RANBP2: variants seen among roughly 807,000 people sequenced by gnomAD.
The protein encoded by RANBP2 is RAN binding protein 2, also known as E3 SUMO-protein ligase RanBP2.
Under a neutral mutation model 303.6 loss-of-function variants are expected in RANBP2, and 57 were observed. That is an observed-to-expected ratio of 0.19 (90% CI 0.15 to 0.23). RANBP2 has a LOEUF of 0.23. Ranked by LOEUF, RANBP2 falls within the 10% of genes least tolerant of loss-of-function variation. The pLI is 1.00. For synonymous variants in RANBP2, 1,167 were observed against 1,301.5 expected (o/e 0.90, Z 2.23); for missense variants, 3,138 against 3,780.8 (o/e 0.83, Z 4.46).
At chr2:108,897,426 G>A in the RANBP2 span, among the ~76,000 whole-genome samples, 2 of 151,996 alleles carry the variant, frequency 1.3e-5, no homozygotes, top group Non-Finnish European at 2.9e-5. Context: ...ACAAGAGAGG[G>A]CTGTGCATGT....
chr2:109,362,529 T>C, the RANBP2 span, among the ~76,000 whole-genome samples: 1 of 152,196 alleles, frequency 6.6e-6, no homozygotes, highest in African/African-American at 2.4e-5. Context: ...GAAAAGAATG[T>C]GTAATCTGCT....
chr2:108,887,733 C>T, the RANBP2 span, among the ~76,000 whole-genome samples: 1 of 152,086 alleles, frequency 6.6e-6, no homozygotes, highest in Non-Finnish European at 1.5e-5. Flanking sequence ...TTGTATCCTG[C>T]AACTTTACTC....
the RANBP2 span, among the ~76,000 whole-genome samples, chr2:109,622,402 G>C: frequency 6.6e-6 from 1 of 152,110 alleles, no homozygotes; most frequent in Non-Finnish European, 1.5e-5. Context: ...AAATGATACA[G>C]GAAATTCATA....
At chr2:109,089,913 G>A in the RANBP2 span, among the ~76,000 whole-genome samples, 2 of 152,194 alleles carry the variant, frequency 1.3e-5, no homozygotes, top group African/African-American at 4.8e-5. Flanking sequence ...GGCAGGCAAA[G>A]CATTCAATTC....
At chr2:109,567,512 G>A in the RANBP2 span, among the ~76,000 whole-genome samples, 2 of 152,164 alleles carry the variant, frequency 1.3e-5, no homozygotes, top group South Asian at 4.1e-4. Flanking sequence ...AGGGTAGGAA[G>A]GTGTCATCTT....
At chr2:109,333,624 G>A in the RANBP2 span, among the ~76,000 whole-genome samples, 1 of 152,174 alleles carries the variant, frequency 6.6e-6, no homozygotes, top group Non-Finnish European at 1.5e-5. Context: ...AGCTAACACT[G>A]ATGGCCTGCA....
At chr2:109,270,254 C>T in the RANBP2 span, among the ~76,000 whole-genome samples, 2 of 152,162 alleles carry the variant, frequency 1.3e-5, no homozygotes, top group African/African-American at 4.8e-5. Context: ...GGCTGGAACA[C>T]CTGAAGCGTA....
At chr2:108,794,959 A>G in the RANBP2 span, among the ~76,000 whole-genome samples, 1 of 152,028 alleles carries the variant, frequency 6.6e-6, no homozygotes, top group South Asian at 2.1e-4. Flanking sequence ...ACTGTCTTGT[A>G]TTTTATTTGA....
the RANBP2 span, among the ~76,000 whole-genome samples, chr2:108,820,385 A>AGAGAAG: frequency 6.6e-6 from 1 of 152,198 alleles, no homozygotes. Flanking sequence ...GAATGAGAAG[A>AGAGAAG]GAGAAGGAGA....
At chr2:109,437,826 G>A in the RANBP2 span, among the ~76,000 whole-genome samples, 1 of 152,222 alleles carries the variant, frequency 6.6e-6, no homozygotes, top group Non-Finnish European at 1.5e-5. Flanking sequence ...TGGTGGCTTA[G>A]TGTTGAGCTA....
chr2:108,920,459 A>G, the RANBP2 span, among the ~76,000 whole-genome samples: 3 of 152,198 alleles, frequency 2.0e-5, no homozygotes, highest in Admixed American at 2.0e-4. Flanking sequence ...AAAACCAGAA[A>G]GCTCTGGTCA....
the RANBP2 span, among the ~76,000 whole-genome samples, chr2:109,249,618 T>C: frequency 6.7e-6 from 1 of 148,502 alleles, no homozygotes; most frequent in Non-Finnish European, 1.5e-5. Context: ...TTTCTTTCTC[T>C]TTCTTTCTCT....
chr2:109,184,571 C>T, the RANBP2 span, among the ~76,000 whole-genome samples: 1 of 152,168 alleles, frequency 6.6e-6, no homozygotes, highest in African/African-American at 2.4e-5. Context: ...CCCTCTGATC[C>T]AGGTTGTTGG....
chr2:108,735,997 G>A, intron 5 of RANBP2, 107 bp from the exon 6 acceptor site: 3 of 1,605,978 alleles, frequency 1.9e-6, no homozygotes, highest in Non-Finnish European at 2.5e-6. Context: ...AATCAATATA[G>A]TTTCACAAAT....
At chr2:109,128,442 G>T in the RANBP2 span, 1 of 152,110 alleles carries the variant, frequency 6.6e-6, no homozygotes, top group African/African-American at 2.4e-5. Flanking sequence ...TCGGCGGGCA[G>T]CGGCGCCAGC....
the RANBP2 span, among the ~76,000 whole-genome samples, chr2:109,145,856 C>T: frequency 5.9e-5 from 9 of 152,112 alleles, no homozygotes; most frequent in East Asian, 1.9e-4. Context: ...AAAGGCAGGA[C>T]GGAGCCGCAG....
chr2:109,408,862 G>T, the RANBP2 span, among the ~76,000 whole-genome samples: 2 of 152,192 alleles, frequency 1.3e-5, no homozygotes, highest in East Asian at 1.9e-4. Flanking sequence ...GCACAGGGAG[G>T]GGGGTCCAGG....
At chr2:108,950,068 C>T in the RANBP2 span, among the ~76,000 whole-genome samples, 1 of 152,132 alleles carries the variant, frequency 6.6e-6, no homozygotes, top group Non-Finnish European at 1.5e-5. Context: ...TGGGGAGGGG[C>T]ACTTATGACC....
intron 1 of RANBP2, among the ~76,000 whole-genome samples, chr2:108,724,374 G>A (rs1694526729): frequency 6.6e-6 from 1 of 152,160 alleles, no homozygotes; most frequent in African/African-American, 2.4e-5. Flanking sequence ...TGTTGGTCAG[G>A]CTGGTCTTGA....
Sources: allele counts gnomAD v4.1 joint callset (sites outside exome capture counted in the v4.1 genomes callset), GRCh38; gene constraint gnomAD v4.1.1; transcripts MANE v1.5; gene names NCBI Gene and HGNC (gene_info 2026-07-23, HGNC 2026-07-21).